The following INO80C variants were observed in gnomAD, a reference collection of about 807,000 sequenced individuals.
INO80C encodes the protein IES6 homolog.
A neutral mutation model predicts 17.7 loss-of-function variants in INO80C; 17 were observed. That is an observed-to-expected ratio of 0.96 (90% CI 0.66 to 1.44). INO80C has a LOEUF of 1.44. Ranked by LOEUF, INO80C falls within the 40% of genes most tolerant of loss-of-function variation. INO80C has a pLI of 0.00. For missense variants in INO80C, 244 were observed against 245.0 expected, an observed-to-expected ratio of 1.00 and a Z score of 0.03; for synonymous variants, 96 against 95.8, an observed-to-expected ratio of 1.00 and a Z score of -0.01.
At chr18:35,497,453 G>C in intron 1 of INO80C, 1 of 1,253,150 alleles carries the variant, frequency 8.0e-7, no homozygotes, top group Non-Finnish European at 1.0e-6. Flanking sequence ...AGGCGACCTC[G>C]AGGGGAAGAG....
intron 1 of INO80C, among the ~76,000 whole-genome samples, chr18:35,493,828 A>G (rs1567989828): frequency 1.3e-5 from 2 of 152,246 alleles, no homozygotes; most frequent in Non-Finnish European, 2.9e-5. Flanking sequence ...AAATTCCATG[A>G]AAGTTTTACA....
At chr18:35,477,252 G>A (rs2045748202) in intron 4 of INO80C, among the ~76,000 whole-genome samples, 1 of 137,362 alleles carries the variant, frequency 7.3e-6, no homozygotes, top group Admixed American at 7.8e-5. Flanking sequence ...TCAAAAAAAA[G>A]TGAAAAGATC....
intron 1 of INO80C, among the ~76,000 whole-genome samples, chr18:35,491,801 A>G (rs763805179): frequency 6.6e-6 from 1 of 152,232 alleles, no homozygotes; most frequent in African/African-American, 2.4e-5. Context: ...AGGACTTTAC[A>G]AGATGAACTG....
chr18:35,474,561 C>A (rs1425727444), intron 4 of INO80C, among the ~76,000 whole-genome samples: 2 of 151,834 alleles, frequency 1.3e-5, no homozygotes, highest in East Asian at 1.9e-4. Context: ...GTGGCACACA[C>A]CTGTAGACCT....
chr18:35,492,528 T>C (rs2045942470), intron 1 of INO80C, among the ~76,000 whole-genome samples: 1 of 128,712 alleles, frequency 7.8e-6, no homozygotes, highest in Non-Finnish European at 1.6e-5. Flanking sequence ...TGACTTTTTA[T>C]GTCAATTTTA....
At chr18:35,481,695 C>A (rs925323163) in intron 1 of INO80C, among the ~76,000 whole-genome samples, 3 of 152,048 alleles carry the variant, frequency 2.0e-5, no homozygotes, top group Non-Finnish European at 4.4e-5. Flanking sequence ...ACCAGCCTGG[C>A]CAACATGGTG....
chr18:35,468,746 G>C lies in INO80C; in HGVS notation c.448-4C>G, dbSNP rs1206584265. ...TCTGGGGGTCTGTGTAGTTGGCCTGGGTGAAAAGAGGCACAGGGAAGGGCA... is the reference window on the plus strand; with the variant it reads ...TCTGGGGGTCTGTGTAGTTGGCCTGCGTGAAAAGAGGCACAGGGAAGGGCA... On this transcript the variant is annotated splice_region_variant and splice_polypyrimidine_tract_variant and intron_variant, in intron 4 of 4. Coordinates refer to ENST00000334598, the MANE Select transcript of INO80C (RefSeq NM_194281.4). The C allele has an allele frequency of 6.2e-7, 1 of 1,613,462 alleles. No individual in the cohort carries two copies. The highest frequency in any genetic ancestry group is 8.5e-7 in the Non-Finnish European group (1 of 1,179,626).
chr18:35,468,563 A>G lies in INO80C; in HGVS notation c.*48T>C. On this transcript the variant is annotated 3_prime_UTR_variant, in exon 5 of 5. Coordinates refer to ENST00000334598, the MANE Select transcript of INO80C (RefSeq NM_194281.4). ...TTCCGTGAAACAAAATCATGAGTCC[A>G]GAGTCTGTTTTTGAAACAGCTTTCC... The G allele has an allele frequency of 6.2e-7, 1 of 1,613,426 alleles. No individual in the cohort carries two copies. Among genetic ancestry groups the G allele is most frequent in the Non-Finnish European group, 8.5e-7 (1 of 1,179,558 alleles).
In INO80C at chr18:35,478,413, T is replaced by C. The variant is rs1391423072; in HGVS notation, c.380-64A>G. 4.5e-5 allele frequency: 57 copies of C among 1,272,926 alleles called. No homozygotes were observed. In the East Asian group the frequency reaches 1.4e-3, roughly 31 times the overall value. The allele number at this position is 1,272,926 out of a possible 1,614,324, so 78.9% of individuals were successfully genotyped here. A position where few individuals can be genotyped will look rare whatever the true frequency, so the allele number is the denominator to read the frequency against. Reference sequence around the variant, plus strand: ...GAAAACATTCAAATCCCTTCTCTTTTTTTTTCTAAAATAGTATTTGATAAT... The same window carrying C: ...GAAAACATTCAAATCCCTTCTCTTTCTTTTTCTAAAATAGTATTTGATAAT... On this transcript the variant is annotated intron_variant, in intron 3 of 4. Coordinates refer to ENST00000334598, the MANE Select transcript of INO80C (RefSeq NM_194281.4).
chr18:35,477,676 G>T (rs2144042808), intron 4 of INO80C, among the ~76,000 whole-genome samples: 1 of 152,334 alleles, frequency 6.6e-6, no homozygotes, highest in Middle Eastern at 3.4e-3. Flanking sequence ...CTGAGCTTTA[G>T]CAACTTGCCC....
rs149442595 is a variant in INO80C, at chr18:35,485,465, G to A, written c.157-4902C>T. On this transcript the variant is annotated intron_variant, in intron 1 of 4. Transcript: ENST00000334598. ...CGTGAAAAGATGCTCAACATCACTAGTCATTAGGGAAATGTAAATCAAAAT... is the reference window on the plus strand; with the variant it reads ...CGTGAAAAGATGCTCAACATCACTAATCATTAGGGAAATGTAAATCAAAAT... Among the ~76,000 whole-genome samples the A allele has an allele frequency of 6.5e-3, 996 of 152,224 alleles. 8 individuals are homozygous for A. Among genetic ancestry groups the A allele is most frequent in the African/African-American group, 0.022 (918 of 41,526 alleles).
At position 35,468,740 on chromosome 18, in the gene INO80C, G is replaced by A. The variant is rs2045634341; in HGVS notation, c.450C>T (p.Ala150=). 1 of 1,613,922 alleles carries A rather than the reference G, an allele frequency of 6.2e-7. No individual in the cohort carries two copies. Among genetic ancestry groups the A allele is most frequent in the South Asian group, 1.1e-5 (1 of 91,078 alleles). Residue 150 remains alanine, a splice_region_variant and synonymous_variant, in exon 5 of 5, where the codon GCC becomes GCT. Coordinates refer to ENST00000334598, the MANE Select transcript of INO80C (RefSeq NM_194281.4). ...KKYSDVSGLL[A]NYTDPQSKLR... The stretch of plus-strand genomic sequence containing the variant: ...GTTTGCTCTGGGGGTCTGTGTAGTT[G>A]GCCTGGGTGAAAAGAGGCACAGGGA...
intron 4 of INO80C, among the ~76,000 whole-genome samples, chr18:35,471,340 C>T (rs1030187803): frequency 1.3e-5 from 2 of 152,226 alleles, no homozygotes; most frequent in Non-Finnish European, 2.9e-5. Flanking sequence ...CCCCTATACA[C>T]ATATGTAAAC....
At chr18:35,478,372 A>C in intron 3 of INO80C, 23 bp from the exon 4 acceptor site, 1 of 1,418,866 alleles carries the variant, frequency 7.0e-7, no homozygotes, top group Non-Finnish European at 9.7e-7. Flanking sequence ...AAAAAAAAAG[A>C]TAACTAAACT....
intron 1 of INO80C, chr18:35,497,474 T>C: frequency 3.8e-6 from 5 of 1,301,190 alleles, no homozygotes; most frequent in Non-Finnish European, 4.9e-6. Flanking sequence ...GCAGTCCTTC[T>C]ATTAATACTA....
Position 35,497,916 on chromosome 18 carries a change from G to T in INO80C, c.-42C>A, listed in dbSNP as rs200616163. On this transcript the variant is annotated 5_prime_UTR_variant, in exon 1 of 5. The change creates a new upstream start codon in the 5' untranslated region. Transcript: ENST00000334598. ...CCCTGGTCCCCCCACCTTTTTCCCA[G>T]CGCGGGCCTTGGAACTTCCTTTCCG... The T allele has an allele frequency of 7.4e-5, 110 of 1,488,050 alleles. No homozygotes were observed. The Middle Eastern group carries it at 2.3e-3, about 32-fold the overall frequency. 92.2% of individuals were successfully genotyped at this position (1,488,050 alleles called of 1,614,324 possible).
intron 1 of INO80C, 157 bp downstream of exon 1, chr18:35,497,562 G>A (rs1348001686): frequency 2.5e-5 from 36 of 1,418,242 alleles, no homozygotes; most frequent in Non-Finnish European, 3.2e-5. Context: ...CAAACGAAGG[G>A]AAAGAGTAGT....
intron 1 of INO80C, 38 bp from the exon 2 acceptor site, chr18:35,480,601 T>C (rs745907408): frequency 1.3e-6 from 2 of 1,484,114 alleles, no homozygotes; most frequent in South Asian, 2.3e-5. Flanking sequence ...GAAGTCAGTT[T>C]CTTTCAGCTG....
rs2046003263 is a variant in INO80C at position 35,497,932 on chromosome 18, T to G, written c.-58A>C. On this transcript the variant is annotated 5_prime_UTR_variant, in exon 1 of 5. Coordinates refer to ENST00000334598, the MANE Select transcript of INO80C (RefSeq NM_194281.4). The stretch of plus-strand genomic sequence containing the variant: ...TTTTTCCCAGCGCGGGCCTTGGAAC[T>G]TCCTTTCCGCTGTTACTTCCGTCTT... 3.4e-6 allele frequency: 5 copies of G among 1,463,426 alleles called. No individual in the cohort carries two copies. The Admixed American group carries it at 1.0e-4, about 30-fold the overall frequency. 90.7% of individuals were successfully genotyped at this position (1,463,426 alleles called of 1,614,324 possible). A position where few individuals can be genotyped will look rare whatever the true frequency, so the allele number is the denominator to read the frequency against.
Sources: gnomAD v4.1 joint callset for allele counts (sites outside exome capture counted in the v4.1 genomes callset) on GRCh38, gnomAD v4.1.1 for gene constraint, MANE v1.5 for transcripts, NCBI Gene and HGNC (gene_info 2026-07-23, HGNC 2026-07-21) for gene names.